STARD13: variants seen among roughly 807,000 people sequenced by gnomAD.
STARD13 encodes StAR related lipid transfer domain containing 13, also known as stAR-related lipid transfer protein 13.
A neutral mutation model predicts 106.4 loss-of-function variants in STARD13; 62 were observed. The ratio of observed to expected loss-of-function variants is 0.58; its 90% CI spans 0.48 to 0.72. STARD13 has a LOEUF of 0.72. Among genes scored for constraint, STARD13 ranks in the 30% least tolerant of loss-of-function variants. STARD13 has a pLI of 0.00. For synonymous variants in STARD13, 565 were observed against 553.0 expected, an observed-to-expected ratio of 1.02 and a Z score of -0.31; for missense variants, 1,387 against 1,424.0, an observed-to-expected ratio of 0.97 and a Z score of 0.42.
chr13:33,235,774 ACT>A (rs750156787), intron 1 of STARD13, among the ~76,000 whole-genome samples: 86 of 152,216 alleles, frequency 5.6e-4, no homozygotes, highest in Non-Finnish European at 1.0e-3. Flanking sequence ...TAAATCGGAA[ACT>A]CTGTGGGTGG....
chr13:33,397,023 A>C, the STARD13 span, among the ~76,000 whole-genome samples: 1 of 152,182 alleles, frequency 6.6e-6, no homozygotes, highest in African/African-American at 2.4e-5. Context: ...CAGACCAGAA[A>C]ATTGGAGAGT....
At chr13:33,110,145 A>G (rs1215939020) in intron 11 of STARD13, 55 bp from the exon 12 acceptor site, 4 of 1,543,862 alleles carry the variant, frequency 2.6e-6, no homozygotes, top group East Asian at 4.6e-5. Context: ...TGGGTCCAAC[A>G]TTTTTTGTTT....
chr13:33,494,186 C>T, the STARD13 span, among the ~76,000 whole-genome samples: 1 of 152,166 alleles, frequency 6.6e-6, no homozygotes, highest in Admixed American at 6.5e-5. Context: ...CTCAGTGCAA[C>T]ATTCACCAAA....
At chr13:33,360,795 TTTTC>T in the STARD13 span, among the ~76,000 whole-genome samples, 9 of 134,216 alleles carry the variant, frequency 6.7e-5, no homozygotes, top group African/African-American at 2.5e-4. Flanking sequence ...ATTTTTTTTC[TTTTC>T]TTTTTTTTTT....
intron 1 of STARD13, among the ~76,000 whole-genome samples, chr13:33,220,111 T>C (rs1197137122): frequency 3.3e-5 from 5 of 152,190 alleles, no homozygotes; most frequent in African/African-American, 1.2e-4. Flanking sequence ...TTGATATATC[T>C]TCAGTGGGTA....
chr13:33,245,534 C>G (rs1349200483), intron 1 of STARD13, among the ~76,000 whole-genome samples: 1 of 152,268 alleles, frequency 6.6e-6, no homozygotes, highest in East Asian at 1.9e-4. Flanking sequence ...GAAAACATGG[C>G]TGGATACCAG....
chr13:33,607,262 G>C, the STARD13 span, among the ~76,000 whole-genome samples: 2 of 150,836 alleles, frequency 1.3e-5, no homozygotes, highest in Non-Finnish European at 3.0e-5. Flanking sequence ...TGGTGTTTAA[G>C]ATTACGAGTG....
At chr13:33,539,896 G>A in the STARD13 span, among the ~76,000 whole-genome samples, 8 of 152,124 alleles carry the variant, frequency 5.3e-5, no homozygotes, top group Non-Finnish European at 8.8e-5. Context: ...CCACAGACTG[G>A]GAGAAAAATA....
chr13:33,476,288 T>A, the STARD13 span, among the ~76,000 whole-genome samples: 2 of 152,210 alleles, frequency 1.3e-5, 1 homozygote, highest in South Asian at 4.1e-4. Flanking sequence ...TTTATCACTG[T>A]TGGACCTTCA....
chr13:33,110,882 G>C lies in STARD13; in HGVS notation c.2633C>G (p.Ser878Cys). The C allele has an allele frequency of 2.5e-6, 4 of 1,613,352 alleles. No individual in the cohort carries two copies. Among genetic ancestry groups the C allele is most frequent in the Non-Finnish European group, 3.4e-6 (4 of 1,180,030 alleles). Residue 878 changes from serine (S) to cysteine (C), a missense_variant, in exon 11 of 14, where the codon TCT (serine) becomes TGT (cysteine). Physicochemically the swap from Ser to Cys is moderately radical, Grantham distance 112 (BLOSUM62 -1). Transcript: ENST00000336934. ...CTCAGCCTCCACATACGAGTTACGA[G>C]ACTGGGCCACCAACTCGTGTGGAAC... ...FEVPHELVAQ[S>C]RNSYVEAEIH...
chr13:33,366,918 AT>A, the STARD13 span, among the ~76,000 whole-genome samples: 1 of 152,242 alleles, frequency 6.6e-6, no homozygotes, highest in African/African-American at 2.4e-5. This position sits in a 1 kb window ranked among gnomAD's most constrained non-coding sequence, Gnocchi z 4.2. Flanking sequence ...ATGAACTCTT[AT>A]GAAAGCTAAC....
At chr13:33,213,087 C>T (rs1471953093) in intron 1 of STARD13, among the ~76,000 whole-genome samples, 1 of 152,128 alleles carries the variant, frequency 6.6e-6, no homozygotes. Context: ...TCAGACAGTA[C>T]ATCTGTAACA....
intron 1 of STARD13, among the ~76,000 whole-genome samples, chr13:33,247,434 G>A (rs1889883853): frequency 1.3e-5 from 2 of 151,838 alleles, no homozygotes; most frequent in African/African-American, 4.8e-5. Context: ...TCAACATGAG[G>A]TCTCTGCAAT....
At chr13:33,239,043 C>G (rs1254479348) in intron 1 of STARD13, among the ~76,000 whole-genome samples, 4 of 152,002 alleles carry the variant, frequency 2.6e-5, no homozygotes, top group African/African-American at 7.2e-5. Context: ...CCCCTCCCCC[C>G]CAGCCACTGA....
chr13:33,114,399 A>G (rs765300412), intron 8 of STARD13, among the ~76,000 whole-genome samples: 1 of 152,164 alleles, frequency 6.6e-6, no homozygotes, highest in Non-Finnish European at 1.5e-5. Context: ...AGCAAATCCA[A>G]GTTCCTAGAA....
chr13:33,182,884 C>T (rs1043122314), intron 1 of STARD13, among the ~76,000 whole-genome samples: 9 of 152,252 alleles, frequency 5.9e-5, no homozygotes, highest in African/African-American at 1.7e-4. Context: ...CCCATCACCA[C>T]GGCCCACAGT....
intron 1 of STARD13, among the ~76,000 whole-genome samples, chr13:33,193,853 C>T (rs1886424383): frequency 6.6e-6 from 1 of 152,082 alleles, no homozygotes; most frequent in African/African-American, 2.4e-5. Context: ...TTGAATTTAG[C>T]TCTCTACTAG....
At chr13:33,127,840 G>T (rs1290760268) in intron 5 of STARD13, among the ~76,000 whole-genome samples, 2 of 149,770 alleles carry the variant, frequency 1.3e-5, no homozygotes, top group Non-Finnish European at 3.0e-5. Context: ...TTGAGAGCAA[G>T]CTGAGACAGT....
At chr13:33,161,103 A>T (rs1575731) in intron 3 of STARD13, among the ~76,000 whole-genome samples, 22,747 of 152,196 alleles carry the variant, frequency 0.15, 2,304 homozygotes, top group African/African-American at 0.28. Flanking sequence ...AACTATTAAA[A>T]CACATAGCAA....
Sources: allele counts gnomAD v4.1 joint callset (sites outside exome capture counted in the v4.1 genomes callset), GRCh38; gene constraint gnomAD v4.1.1; non-coding constraint Gnocchi (gnomAD v3.1); transcripts MANE v1.5; gene names NCBI Gene and HGNC (gene_info 2026-07-23, HGNC 2026-07-21).